ANO4: variants seen among roughly 807,000 people sequenced by gnomAD.
ANO4 encodes anoctamin-4.
In ANO4, 69 loss-of-function variants were observed where a neutral mutation model predicts 141.9. The ratio of observed to expected loss-of-function variants is 0.49; its 90% CI spans 0.40 to 0.59. The LOEUF is 0.59. ANO4 is among the 20% of genes least tolerant of loss of function. ANO4 has a pLI of 0.00. For synonymous variants in ANO4, 350 were observed against 394.3 expected (o/e 0.89, Z 1.33); for missense variants, 894 against 1,162.2 (o/e 0.77, Z 3.36).
chr12:100,888,369 TG>T (rs1239243638), intron 1 of ANO4, among the ~76,000 whole-genome samples: 1 of 152,204 alleles, frequency 6.6e-6, no homozygotes, highest in East Asian at 1.9e-4. Flanking sequence ...TGACAAGAGA[TG>T]GTGAAGCACC....
At chr12:100,723,860 C>T (rs1303205338) in intron 1 of ANO4, among the ~76,000 whole-genome samples, 4 of 152,112 alleles carry the variant, frequency 2.6e-5, no homozygotes, top group African/African-American at 9.7e-5. Context: ...ATTCAGCTCA[C>T]AATAAGTAAC....
intron 23 of ANO4, among the ~76,000 whole-genome samples, chr12:101,111,221 GA>G (rs148247176): frequency 0.19 from 28,705 of 152,200 alleles, 2,847 homozygotes; most frequent in Admixed American, 0.26. Context: ...AAGATGAACA[GA>G]AGGGACCAAA....
rs139102511 is a variant in ANO4, at chr12:100,737,402, A to G, written c.107-2452A>G. Among the ~76,000 whole-genome samples the G allele has an allele frequency of 4.9e-3, 751 of 152,286 alleles. 6 individuals carry two copies. The highest frequency in any genetic ancestry group is 0.017 in the African/African-American group (702 of 41,576). ...AGAAACTTTCCCCTGCAGCTCCTTGACAGACTCCTCCTATCTCACTAGGCA... is the reference window on the plus strand; with the variant it reads ...AGAAACTTTCCCCTGCAGCTCCTTGGCAGACTCCTCCTATCTCACTAGGCA... On this transcript the variant is annotated intron_variant, in intron 2 of 29. Coordinates refer to the ANO4 transcript ENST00000644049.
rs77729869 is a variant in ANO4 at position 101,086,473 on chromosome 12, A to T, written c.1537-187A>T. On this transcript the variant is annotated intron_variant, in intron 16 of 27. Coordinates refer to ENST00000392977, the MANE Select transcript of ANO4 (RefSeq NM_001286615.2). The stretch of plus-strand genomic sequence containing the variant: ...AGCGTGTAGTTCTTTTATTTTAATT[A>T]AAAAAAATAGAAAAAGGCAAGAGAA... Among the ~76,000 whole-genome samples, 59 of 149,774 alleles carry T rather than the reference A, an allele frequency of 3.9e-4. No individual in the cohort carries two copies. The East Asian group carries it at 9.5e-3, about 24-fold the overall frequency.
At chr12:100,787,274 G>A (rs1195790910) in intron 3 of ANO4, among the ~76,000 whole-genome samples, 1 of 152,132 alleles carries the variant, frequency 6.6e-6, no homozygotes, top group Admixed American at 6.6e-5. Context: ...GGTGGTCCTT[G>A]GAGAATAAAT....
At chr12:101,088,778 C>T (rs533637376) in intron 17 of ANO4, among the ~76,000 whole-genome samples, 24 of 149,624 alleles carry the variant, frequency 1.6e-4, no homozygotes, top group African/African-American at 5.3e-4. Context: ...GTCTCAGCTA[C>T]TTGGGAGGCT....
intron 1 of ANO4, among the ~76,000 whole-genome samples, chr12:100,834,098 G>A (rs528011264): frequency 2.0e-5 from 3 of 152,254 alleles, no homozygotes; most frequent in East Asian, 3.9e-4. Flanking sequence ...GGTGAGAGAC[G>A]AGGAATCTGG....
intron 25 of ANO4, among the ~76,000 whole-genome samples, chr12:101,119,206 C>G (rs1162964136): frequency 1.4e-4 from 22 of 151,954 alleles, no homozygotes; most frequent in Non-Finnish European, 3.1e-4. Context: ...CCCTGTAATC[C>G]CAGCACTTTG....
In ANO4 at chr12:100,858,228, C is replaced by T. The variant is rs141000720; in HGVS notation, c.-140-43418C>T. 2.4e-3 allele frequency among the ~76,000 whole-genome samples: 365 copies of T among 152,260 alleles called. 2 individuals carry two copies. Among genetic ancestry groups the T allele is most frequent in the East Asian group, 0.018 (94 of 5,182 alleles). ...TTAGCTAGTATAGCCCACTACATAG[C>T]TAGGGTACATGGTATGGCCTGTTGC... On this transcript the variant is annotated intron_variant, in intron 1 of 27. Transcript: ENST00000392977.
intron 3 of ANO4, among the ~76,000 whole-genome samples, chr12:100,924,582 A>G (rs2041783930): frequency 6.6e-6 from 1 of 152,166 alleles, no homozygotes; most frequent in African/African-American, 2.4e-5. Context: ...ATCCCTTTAT[A>G]TTACATTAAT....
intron 1 of ANO4, among the ~76,000 whole-genome samples, chr12:100,836,828 T>C (rs778743773): frequency 6.6e-6 from 1 of 152,006 alleles, no homozygotes; most frequent in Non-Finnish European, 1.5e-5. Flanking sequence ...ATTTGCCCCA[T>C]AGGTAGTGAG....
intron 8 of ANO4, among the ~76,000 whole-genome samples, chr12:100,998,397 A>ATCTC (rs1246885809): frequency 6.6e-6 from 1 of 151,574 alleles, no homozygotes; most frequent in Non-Finnish European, 1.5e-5. Context: ...CTATCTATCT[A>ATCTC]TCTATCTATC....
intron 5 of ANO4, among the ~76,000 whole-genome samples, chr12:100,943,722 TG>T (rs1386364033): frequency 8.4e-5 from 8 of 95,220 alleles, no homozygotes; most frequent in African/African-American, 2.1e-4. Flanking sequence ...GAATTAAAAA[TG>T]TTGTTTCTTC....
chr12:101,064,475 A>G (rs963087620), intron 14 of ANO4, among the ~76,000 whole-genome samples: 4 of 152,078 alleles, frequency 2.6e-5, no homozygotes, highest in African/African-American at 9.7e-5. Context: ...AGTTCCCCAC[A>G]TGGACACGCG....
At chr12:100,966,390 G>C (rs373951990) in intron 5 of ANO4, among the ~76,000 whole-genome samples, 4 of 152,110 alleles carry the variant, frequency 2.6e-5, no homozygotes, top group African/African-American at 9.7e-5. Context: ...AGATCACAGG[G>C]CTGGTAAGAG....
chr12:100,792,340 G>A (rs1027239784), upstream of ANO4, among the ~76,000 whole-genome samples: 5 of 152,146 alleles, frequency 3.3e-5, no homozygotes, highest in East Asian at 1.9e-4. Context: ...GCATTAAATC[G>A]TGCTGTTGTA....
intron 1 of ANO4, among the ~76,000 whole-genome samples, chr12:100,814,946 C>T (rs2035646684): frequency 6.6e-6 from 1 of 151,980 alleles, no homozygotes; most frequent in Non-Finnish European, 1.5e-5. Context: ...GGGAGATGGC[C>T]GCAAGTTGGT....
At chr12:100,958,262 A>T (rs1288890386) in intron 5 of ANO4, among the ~76,000 whole-genome samples, 1 of 152,234 alleles carries the variant, frequency 6.6e-6, no homozygotes, top group African/African-American at 2.4e-5. Flanking sequence ...GTACCAGAGA[A>T]TGCTCAGTGA....
intron 14 of ANO4, among the ~76,000 whole-genome samples, chr12:101,073,353 G>A (rs1041545687): frequency 3.3e-5 from 5 of 151,936 alleles, no homozygotes; most frequent in Admixed American, 6.6e-5. Context: ...GTTCTCACTC[G>A]TAAGTGGGTA....
Sources: gnomAD v4.1 joint callset for allele counts (sites outside exome capture counted in the v4.1 genomes callset) on GRCh38, gnomAD v4.1.1 for gene constraint, MANE v1.5 for transcripts, NCBI Gene and HGNC (gene_info 2026-07-23, HGNC 2026-07-21) for gene names.